LRRTM4: variants seen among roughly 807,000 people sequenced by gnomAD.
LRRTM4 encodes leucine rich repeat transmembrane neuronal 4.
Under a neutral mutation model 47.6 loss-of-function variants are expected in LRRTM4, and 25 were observed. That is an observed-to-expected ratio of 0.53 (90% CI 0.38 to 0.73). The LOEUF is 0.73. LRRTM4 is among the 30% of genes least tolerant of loss of function. The pLI, the probability that LRRTM4 is intolerant of heterozygous loss-of-function variation, is 0.00. For synonymous variants in LRRTM4, 311 were observed against 269.5 expected, an observed-to-expected ratio of 1.15 and a Z score of -1.51; for missense variants, 638 against 713.4, an observed-to-expected ratio of 0.89 and a Z score of 1.20.
intron 3 of LRRTM4, among the ~76,000 whole-genome samples, chr2:77,305,281 C>A (rs1677241917): frequency 6.6e-6 from 1 of 151,674 alleles, no homozygotes; most frequent in Non-Finnish European, 1.5e-5. Context: ...AAACACAAAT[C>A]CTATACGCTG....
chr2:76,997,080 T>C (rs17013534), intron 3 of LRRTM4, among the ~76,000 whole-genome samples: 7,186 of 152,184 alleles, frequency 0.047, 366 homozygotes, highest in East Asian at 0.14. Context: ...TTTAGATAGC[T>C]TTCTCAGAAT....
chr2:77,147,609 C>T (rs1028318407), intron 3 of LRRTM4, among the ~76,000 whole-genome samples: 1 of 152,048 alleles, frequency 6.6e-6, no homozygotes, highest in Non-Finnish European at 1.5e-5. Context: ...TATTTTTTTC[C>T]AAATTCTGTC....
chr2:76,755,373 T>G (rs572267604), intron 3 of LRRTM4, among the ~76,000 whole-genome samples: 1 of 152,276 alleles, frequency 6.6e-6, no homozygotes, highest in African/African-American at 2.4e-5. Flanking sequence ...TTAACTGTTC[T>G]GTATTAAGAT....
intron 3 of LRRTM4, among the ~76,000 whole-genome samples, chr2:77,419,261 A>T (rs980450340): frequency 6.6e-6 from 1 of 152,272 alleles, no homozygotes; most frequent in African/African-American, 2.4e-5. Context: ...TGGTTAAGGA[A>T]ATTTATGGCT....
At chr2:77,485,718 G>A (rs1348125207) in intron 3 of LRRTM4, among the ~76,000 whole-genome samples, 2 of 152,084 alleles carry the variant, frequency 1.3e-5, no homozygotes, top group African/African-American at 4.8e-5. Flanking sequence ...CTTCTTCAAA[G>A]GAGGGGATGA....
In LRRTM4 at chr2:77,309,994, CAG is replaced by C. The variant is rs1677406032; in HGVS notation, c.1551+208322_1551+208323del. On this transcript the variant is annotated intron_variant, in intron 3 of 3. Coordinates refer to ENST00000409884, the MANE Select transcript of LRRTM4 (RefSeq NM_001134745.3). ...CAATGGCCAACTTGAGCAGTTGTGA[CAG>C]AGACTATCTAGGCAACAAATCCTAA... Among the ~76,000 whole-genome samples, 3 of 152,194 alleles carry C rather than the reference CAG, an allele frequency of 2.0e-5. No homozygotes were observed. In the South Asian group the frequency reaches 6.2e-4, roughly 32 times the overall value.
chr2:77,078,369 TACACACACACCCAC>T (rs916209733), intron 3 of LRRTM4, among the ~76,000 whole-genome samples: 3 of 123,084 alleles, frequency 2.4e-5, no homozygotes, highest in Admixed American at 1.7e-4. Context: ...GTTTGTCTAT[TACACACACACCCAC>T]ACACACACAC....
intron 3 of LRRTM4, among the ~76,000 whole-genome samples, chr2:77,346,602 A>T (rs1489787910): frequency 6.6e-6 from 1 of 152,126 alleles, no homozygotes; most frequent in Non-Finnish European, 1.5e-5. Flanking sequence ...AGTTTTTCAA[A>T]AATTTGTAGA....
intron 3 of LRRTM4, among the ~76,000 whole-genome samples, chr2:77,439,190 C>A (rs1675733714): frequency 6.6e-6 from 1 of 152,120 alleles, no homozygotes; most frequent in Non-Finnish European, 1.5e-5. Context: ...AAGACTAAAA[C>A]CAGAAGCAAA....
chr2:77,394,376 G>A (rs1261428536), intron 3 of LRRTM4, among the ~76,000 whole-genome samples: 3 of 151,766 alleles, frequency 2.0e-5, no homozygotes, highest in African/African-American at 7.3e-5. Flanking sequence ...TTCACTTTTG[G>A]AAAAGATAGT....
chr2:77,453,525 T>A (rs533962667), intron 3 of LRRTM4, among the ~76,000 whole-genome samples: 1 of 152,250 alleles, frequency 6.6e-6, no homozygotes, highest in Non-Finnish European at 1.5e-5. Flanking sequence ...TCCAAGTCAT[T>A]GGATAGAAAA....
chr2:76,984,381 GT>G (rs1676721900), intron 3 of LRRTM4, among the ~76,000 whole-genome samples: 1 of 151,930 alleles, frequency 6.6e-6, no homozygotes, highest in Admixed American at 6.6e-5. Context: ...ATTACTAGAT[GT>G]TTATGTCAAA....
intron 3 of LRRTM4, among the ~76,000 whole-genome samples, chr2:77,036,835 C>T (rs945052344): frequency 1.3e-5 from 2 of 151,572 alleles, no homozygotes; most frequent in South Asian, 4.2e-4. Flanking sequence ...CATACATAAG[C>T]GTCCCAACCC....
At chr2:77,138,083 A>G (rs986989106) in intron 3 of LRRTM4, among the ~76,000 whole-genome samples, 1 of 152,168 alleles carries the variant, frequency 6.6e-6, no homozygotes, top group Non-Finnish European at 1.5e-5. Flanking sequence ...GAAAGTTAAC[A>G]AGGATATCCA....
chr2:77,178,210 G>T (rs540432892), intron 3 of LRRTM4, among the ~76,000 whole-genome samples: 1 of 152,106 alleles, frequency 6.6e-6, no homozygotes, highest in Non-Finnish European at 1.5e-5. Context: ...AAACTACCTG[G>T]AATTATTCTG....
rs373490132 is a variant in LRRTM4, at chr2:77,031,743, G to A, written c.1552-282827C>T. On this transcript the variant is annotated intron_variant, in intron 3 of 3. Transcript: ENST00000409884. Reference sequence around the variant, plus strand: ...TCTCTAACTATATCTTTGTGTGTGCGTGTGTGTGACAGAGAGAGAGCGCGC... The same window carrying A: ...TCTCTAACTATATCTTTGTGTGTGCATGTGTGTGACAGAGAGAGAGCGCGC... 7.9e-5 allele frequency among the ~76,000 whole-genome samples: 12 copies of A among 152,008 alleles called. No homozygotes were observed. In the South Asian group the frequency reaches 1.2e-3, roughly 16 times the overall value.
chr2:77,054,937 C>T (rs530607513), intron 3 of LRRTM4, among the ~76,000 whole-genome samples: 1 of 152,116 alleles, frequency 6.6e-6, no homozygotes, highest in Non-Finnish European at 1.5e-5. Context: ...ACCTTTTCCC[C>T]AAACAATTTA....
intron 3 of LRRTM4, among the ~76,000 whole-genome samples, chr2:77,085,777 G>C (rs1361899609): frequency 1.3e-5 from 2 of 152,026 alleles, no homozygotes; most frequent in Non-Finnish European, 2.9e-5. Flanking sequence ...TTTTCTGTTG[G>C]CTTAATATGG....
At chr2:77,495,262 C>T (rs916206923) in intron 3 of LRRTM4, among the ~76,000 whole-genome samples, 3 of 152,056 alleles carry the variant, frequency 2.0e-5, no homozygotes, top group Non-Finnish European at 2.9e-5. Context: ...TCCCTACTAG[C>T]AATATATGAA....
Sources: gnomAD v4.1 joint callset for allele counts (sites outside exome capture counted in the v4.1 genomes callset) on GRCh38, gnomAD v4.1.1 for gene constraint, MANE v1.5 for transcripts, NCBI Gene and HGNC (gene_info 2026-07-23, HGNC 2026-07-21) for gene names.